Variants in SLC7A5 observed in about 807,000 individuals in gnomAD.
SLC7A5 encodes the protein solute carrier family 7 member 5.
SLC7A5 carries 23 observed loss-of-function variants against 50.2 expected under a neutral mutation model. The ratio of observed to expected loss-of-function variants is 0.46; its 90% confidence interval spans 0.33 to 0.65. The LOEUF (loss-of-function observed/expected upper bound fraction) is 0.65, where lower values mean the gene tolerates loss of function less well. SLC7A5 is among the 30% of genes least tolerant of loss of function. The pLI, the probability that SLC7A5 is intolerant of heterozygous loss-of-function variation, is 0.02. For missense variants in SLC7A5, 578 were observed against 684.4 expected, an observed-to-expected ratio of 0.84 and a Z score of 1.73; for synonymous variants, 393 against 330.6, an observed-to-expected ratio of 1.19 and a Z score of -2.05.
rs185476019 is a variant in SLC7A5, at chr16:87,861,090, C to T, written c.538+7795G>A. Among the ~76,000 whole-genome samples the T allele has an allele frequency of 4.7e-3, 719 of 152,318 alleles. 5 individuals carry two copies. Among genetic ancestry groups the T allele is most frequent in the Non-Finnish European group, 7.2e-3 (491 of 68,006 alleles). ...AGGGCCTCTGGGGAGCGTGCGGGCACACAGTACCAATCTGCATGCATACAC... is the reference window on the plus strand; with the variant it reads ...AGGGCCTCTGGGGAGCGTGCGGGCATACAGTACCAATCTGCATGCATACAC... On this transcript the variant is annotated intron_variant, in intron 1 of 9. Coordinates refer to ENST00000261622, the MANE Select transcript of SLC7A5 (RefSeq NM_003486.7). This position sits in a 1 kb window ranked among gnomAD's most constrained non-coding sequence, Gnocchi z 4.2.
chr16:87,858,320 C>T (rs960491069), intron 1 of SLC7A5, among the ~76,000 whole-genome samples: 1 of 152,152 alleles, frequency 6.6e-6, no homozygotes, highest in Non-Finnish European at 1.5e-5. Context: ...CCAGTCACCG[C>T]AGCATGAGTA....
At chr16:87,834,780 T>G (rs770172935) in intron 8 of SLC7A5, 189 bp from the exon 9 acceptor site, 50 of 644,528 alleles carry the variant, frequency 7.8e-5, no homozygotes, top group South Asian at 2.7e-4. Flanking sequence ...CATACAGTGC[T>G]GGGCATGTTG....
intron 2 of SLC7A5, among the ~76,000 whole-genome samples, chr16:87,844,426 G>A (rs2143753162): frequency 6.6e-6 from 1 of 152,310 alleles, no homozygotes; most frequent in East Asian, 1.9e-4. Flanking sequence ...GGCAGATGCG[G>A]CCATGGGAAC....
rs1411195679 is a variant in SLC7A5, at chr16:87,841,985, T to G, written c.665-830A>C. 6.6e-6 allele frequency among the ~76,000 whole-genome samples: 1 copy of G among 152,240 alleles called. No homozygotes were observed. Among genetic ancestry groups the G allele is most frequent in the East Asian group, 1.9e-4 (1 of 5,198 alleles). ...GGTCACGTGGCTGCTGGGACAGCAC[T>G]GGCCCTTTCTGTGGCTGTTGCCTCC... is the stretch of plus-strand genomic sequence containing the variant. On this transcript the variant is annotated intron_variant, in intron 2 of 9. Coordinates refer to ENST00000261622, the MANE Select transcript of SLC7A5 (RefSeq NM_003486.7). This position sits in a 1 kb window ranked among gnomAD's most constrained non-coding sequence, Gnocchi z 4.8.
chr16:87,868,642 G>C (rs1439759573), intron 1 of SLC7A5, among the ~76,000 whole-genome samples: 4 of 152,240 alleles, frequency 2.6e-5, no homozygotes, highest in African/African-American at 4.8e-5. Context: ...GCCCACCGAA[G>C]GGCAGGGCAG....
intron 1 of SLC7A5, among the ~76,000 whole-genome samples, chr16:87,854,887 C>A (rs1015756243): frequency 6.6e-6 from 1 of 152,218 alleles, no homozygotes; most frequent in Non-Finnish European, 1.5e-5. Flanking sequence ...CCCCTGCCCT[C>A]CTCCTCCCTT....
At chr16:87,836,908 T>G in intron 7 of SLC7A5, 41 of 436,956 alleles carry the variant, frequency 9.4e-5, no homozygotes, top group Non-Finnish European at 1.2e-4. Context: ...GAGGAGGAAA[T>G]GGAGACCACA....
chr16:87,834,358 C>G (rs2054969485), intron 9 of SLC7A5, 56 bp downstream of exon 9: 2 of 1,533,652 alleles, frequency 1.3e-6, no homozygotes, highest in South Asian at 2.4e-5. Context: ...CCTCTCAACT[C>G]CCTTCGCTGC....
intron 1 of SLC7A5, among the ~76,000 whole-genome samples, chr16:87,857,567 G>C: frequency 6.6e-6 from 1 of 152,222 alleles, no homozygotes. Context: ...ACAGGCGTGA[G>C]CCACCGCGCC....
chr16:87,851,266 A>G (rs1176362872), intron 2 of SLC7A5, among the ~76,000 whole-genome samples: 1 of 152,190 alleles, frequency 6.6e-6, no homozygotes, highest in Non-Finnish European at 1.5e-5. Flanking sequence ...TGGAATGATG[A>G]ATGAATCACA....
intron 1 of SLC7A5, among the ~76,000 whole-genome samples, chr16:87,856,829 G>T (rs1192197085): frequency 6.6e-6 from 1 of 152,122 alleles, no homozygotes; most frequent in Non-Finnish European, 1.5e-5. Flanking sequence ...TCCCCCGGGG[G>T]AACTTATAAA....
At position 87,869,105 on chromosome 16, in the gene SLC7A5, G is replaced by C. The variant is rs756860362; in HGVS notation, c.318C>G (p.Leu106=). The stretch of plus-strand genomic sequence containing the variant: ...CGCCCGATTTGGAGATGGTGGTGCC[G>C]AGCTCCGCGTAGCAGAGCGCGCCCA... ...SIVGALCYAE[L]GTTISKSGGD... is the part of the protein sequence containing the mutation. The change falls in exon 1 of 10, where the codon CTC becomes CTG. Residue 106 remains leucine, a synonymous_variant. Transcript: ENST00000261622. 27 of 1,611,652 alleles carry C rather than the reference G, an allele frequency of 1.7e-5. No homozygotes were observed. The highest frequency in any genetic ancestry group is 1.2e-4 in the African/African-American group (9 of 74,866).
chr16:87,854,545 T>C (rs1353453681), intron 1 of SLC7A5, among the ~76,000 whole-genome samples: 2 of 152,214 alleles, frequency 1.3e-5, no homozygotes, highest in East Asian at 3.8e-4. Flanking sequence ...GTCCACACCA[T>C]GGAGGGGCTG....
At chr16:87,838,129 G>C (rs867151329) in intron 6 of SLC7A5, among the ~76,000 whole-genome samples, 188 bp from the exon 7 acceptor site, 4 of 152,218 alleles carry the variant, frequency 2.6e-5, no homozygotes, top group Admixed American at 2.0e-4. Flanking sequence ...ACTCGGCAAG[G>C]ACAGCAACTT....
chr16:87,864,007 A>ATATATATATATATATATATC, intron 1 of SLC7A5, among the ~76,000 whole-genome samples: 1 of 143,084 alleles, frequency 7.0e-6, no homozygotes, highest in African/African-American at 2.5e-5. Context: ...ATATATATAT[A>ATATATATATATATATATATC]TCAGCCGAGT....
rs568777811 is a variant in SLC7A5 at position 87,841,471 on chromosome 16, T to A, written c.665-316A>T. 6.6e-6 allele frequency among the ~76,000 whole-genome samples: 1 copy of A among 152,172 alleles called. No individual in the cohort carries two copies. The highest frequency in any genetic ancestry group is 2.4e-5 in the African/African-American group (1 of 41,448). On this transcript the variant is annotated intron_variant, in intron 2 of 9. Transcript: ENST00000261622. This position sits in a 1 kb window ranked among gnomAD's most constrained non-coding sequence, Gnocchi z 4.8. ...GGATGGAGGGGTCAACCAGCCCCAG[T>A]TGCCTTCAAGAAGGTTCCCTGAGAC...
intron 9 of SLC7A5, 137 bp downstream of exon 9, chr16:87,834,277 G>A (rs1268005805): frequency 4.1e-5 from 33 of 801,094 alleles, no homozygotes; most frequent in Middle Eastern, 3.1e-4. Context: ...TGTCACTGGC[G>A]GACACTGCAG....
At chr16:87,839,342 C>T (rs534961911) in intron 5 of SLC7A5, among the ~76,000 whole-genome samples, 2 of 152,354 alleles carry the variant, frequency 1.3e-5, no homozygotes, top group South Asian at 4.1e-4. Context: ...TTCTAACGAA[C>T]CCCACTCTGT....
rs768719169 is a variant in SLC7A5 at position 87,833,008 on chromosome 16, A to G, written c.1486T>C (p.Cys496Arg). The stretch of plus-strand genomic sequence containing the variant: ...GGGACCACCTGCATGAGCTTCTGAC[A>G]CAGGACGGTCGTGGAGACTGTCAGG... The part of the protein sequence containing the change: ...LQGIFSTTVL[C>R]QKLMQVVPQE... The change falls in exon 10 of 10, where the codon TGT becomes CGT. Residue 496 changes from cysteine to arginine, a missense_variant. Physicochemically the swap from Cys to Arg is radical, Grantham distance 180. Coordinates refer to ENST00000261622, the MANE Select transcript of SLC7A5 (RefSeq NM_003486.7). The surrounding 1 kb of genome is among the most constrained non-coding windows in gnomAD (Gnocchi z 6.0). The G allele has an allele frequency of 6.2e-7, 1 of 1,613,812 alleles. No individual in the cohort carries two copies. The highest frequency in any genetic ancestry group is 2.2e-5 in the East Asian group (1 of 44,858).
Sources: allele counts gnomAD v4.1 joint callset (sites outside exome capture counted in the v4.1 genomes callset), GRCh38; gene constraint gnomAD v4.1.1; non-coding constraint Gnocchi (gnomAD v3.1); transcripts MANE v1.5; gene names NCBI Gene and HGNC (gene_info 2026-07-23, HGNC 2026-07-21).